RECQL4: variants seen among roughly 807,000 people sequenced by gnomAD.
RECQL4 encodes the protein ATP-dependent DNA helicase Q4.
A neutral mutation model predicts 128.6 loss-of-function variants in RECQL4; 158 were observed. The ratio of observed to expected loss-of-function variants is 1.23; its 90% confidence interval spans 1.08 to 1.40. The LOEUF (loss-of-function observed/expected upper bound fraction) is 1.40, where lower values mean the gene tolerates loss of function less well. Ranked by LOEUF, RECQL4 falls within the 40% of genes most tolerant of loss-of-function variation. The probability of loss-of-function intolerance (pLI) is 0.00; values close to 1 mark genes in which losing one functional copy is unlikely to be tolerated. For missense variants in RECQL4, 2,293 were observed against 1,649.8 expected (o/e 1.39, Z -6.75); for synonymous variants, 996 against 678.9 (o/e 1.47, Z -7.26).
In RECQL4 at chr8:144,516,145, G is replaced by A. The variant is rs1441068518; in HGVS notation, c.974C>T (p.Ser325Phe). The change falls in exon 5 of 21, where the codon TCC (serine) becomes TTC (phenylalanine). Residue 325 changes from serine (S) to phenylalanine (F), a missense_variant. Physicochemically the swap from Ser to Phe is radical, Grantham distance 155 (BLOSUM62 -2). Transcript: ENST00000617875. ...SNPRYHGLSP[S>F]SQARAGKAEG... Reference sequence around the variant, plus strand: ...AGCCTTCCCAGCCCTAGCTTGACTGGAGGGGCTGAGTCCGTGGTACCTGGG... The same window carrying A: ...AGCCTTCCCAGCCCTAGCTTGACTGAAGGGGCTGAGTCCGTGGTACCTGGG... The A allele has an allele frequency of 1.2e-6, 2 of 1,613,300 alleles. No homozygotes were observed. The highest frequency in any genetic ancestry group is 2.7e-5 in the African/African-American group (2 of 75,040).
In RECQL4 at chr8:144,511,527, G is replaced by A. The variant is rs139228543; in HGVS notation, c.3531C>T (p.Tyr1177=). The A allele has an allele frequency of 4.0e-4, 648 of 1,612,462 alleles. 3 individuals carry two copies. The East Asian group carries it at 9.5e-3, about 24-fold the overall frequency. The change falls in exon 21 of 21, where the codon TAC becomes TAT. Residue 1177 remains tyrosine (Y), a synonymous_variant. Transcript: ENST00000617875. ...TTCTCCAGAAGCGTCGGTCCTGCCC[G>A]TACACCTGGGCCGGGTAGCAGGGGC... The part of the protein sequence containing the change: ...IGSPCYPAQV[Y]GQDRRFWRKY...
In RECQL4 at chr8:144,513,619, C is replaced by T. The variant is rs1586804739; in HGVS notation, c.2152G>A (p.Ala718Thr). 4 of 1,602,408 alleles carry T rather than the reference C, an allele frequency of 2.5e-6. No homozygotes were observed. Among genetic ancestry groups the T allele is most frequent in the Non-Finnish European group, 3.4e-6 (4 of 1,175,152 alleles). Residue 718 changes from alanine (A) to threonine (T), a missense_variant, in exon 13 of 21, where the codon GCG (alanine) becomes ACG (threonine). Ala to Thr is a moderately conservative substitution (Grantham distance 58, BLOSUM62 0). Coordinates refer to ENST00000617875, the MANE Select transcript of RECQL4 (RefSeq NM_004260.4). ...GCGTGCAGGCAGGTTCGGAGGAGCG[C>T]AGCGATCCGCTCTGTGTCCTCGCGC... Reference protein sequence around the residue: ...NRREDTERIAALLRTCLHAAW... With the variant: ...NRREDTERIATLLRTCLHAAW...
rs1264247879 is a variant in RECQL4, at chr8:144,512,925, G to C, written c.2677C>G (p.Pro893Ala). ...EQLSHQAAPG[P>A]RRVCMGHERA... ...TCATGGCCCATGCAGACCCTTCTGG[G>C]TCCTGGGGCTGCTTGGTGGCTAAGC... Residue 893 changes from proline to alanine, a missense_variant, in exon 15 of 21, where the codon CCC becomes GCC. Physicochemically the swap from Pro to Ala is conservative, Grantham distance 27 (BLOSUM62 -1). Coordinates refer to ENST00000617875, the MANE Select transcript of RECQL4 (RefSeq NM_004260.4). 2 of 1,581,842 alleles carry C rather than the reference G, an allele frequency of 1.3e-6. No individual in the cohort carries two copies. The highest frequency in any genetic ancestry group is 1.1e-5 in the South Asian group (1 of 87,060).
chr8:144,513,509 G>C (rs1482408128), intron 13 of RECQL4, 29 bp from the exon 14 acceptor site: 3 of 1,610,636 alleles, frequency 1.9e-6, no homozygotes, highest in East Asian at 4.5e-5. Flanking sequence ...GATGGTCAGT[G>C]GGATGGGACC....
rs534878487 is a variant in RECQL4 at position 144,517,215 on chromosome 8, G to A, written c.214-25C>T. ...CCTGCAGGAGACAACAGGGGCACAG[G>A]CCAGAAAAGGCTGTTGTGGCGGCAG... On this transcript the variant is annotated intron_variant, in intron 3 of 20. Coordinates refer to ENST00000617875, the MANE Select transcript of RECQL4 (RefSeq NM_004260.4). The A allele has an allele frequency of 2.3e-5, 37 of 1,575,814 alleles. No individual in the cohort carries two copies. In the Admixed American group the frequency reaches 4.3e-4, roughly 19 times the overall value.
At position 144,514,702 on chromosome 8, in the gene RECQL4, G is replaced by C. The variant is rs912034435; in HGVS notation, c.1621-177C>G. The stretch of plus-strand genomic sequence containing the variant: ...TGGGCCTTGGCCCAGGAGCCCCAGA[G>C]CAGACAGACTGAAGTAGGGATGGCT... On this transcript the variant is annotated intron_variant, in intron 9 of 20. Transcript: ENST00000617875. Among the ~76,000 whole-genome samples, 5 of 152,092 alleles carry C rather than the reference G, an allele frequency of 3.3e-5. No homozygotes were observed. In the South Asian group the frequency reaches 6.2e-4, roughly 19 times the overall value.
rs776537316 is a variant in RECQL4, at chr8:144,512,555, G to A, written c.2892C>T (p.Pro964=). The A allele has an allele frequency of 1.1e-5, 18 of 1,612,552 alleles. No individual in the cohort carries two copies. In the South Asian group the frequency reaches 1.9e-4, roughly 17 times the overall value. ...GCTGGGCCAAGCACACAGCCAAAGGGGGACACCTGTGCCCAGGGAAAAAGG... is the reference window on the plus strand; with the variant it reads ...GCTGGGCCAAGCACACAGCCAAAGGAGGACACCTGTGCCCAGGGAAAAAGG... ...AQLQALAHRC[P]PLAVCLAQQL... The change falls in exon 17 of 21, where the codon CCC becomes CCT. Residue 964 remains proline (P), a synonymous_variant. Coordinates refer to ENST00000617875, the MANE Select transcript of RECQL4 (RefSeq NM_004260.4).
At position 144,516,312 on chromosome 8, in the gene RECQL4, C is replaced by G; in HGVS notation, c.807G>C (p.Trp269Cys). ...GEKRRWNEEP[W>C]ESPAQVQQES... is the part of the protein sequence containing the mutation. ...CCTGCTGGACCTGTGCGGGGCTCTC[C>G]CAGGGCTCCTCGTTCCATCTCCGCT... is the stretch of plus-strand genomic sequence containing the variant. Residue 269 changes from tryptophan (W) to cysteine (C), a missense_variant, in exon 5 of 21, where the codon TGG (tryptophan) becomes TGC (cysteine). Coordinates refer to ENST00000617875, the MANE Select transcript of RECQL4 (RefSeq NM_004260.4). 6.2e-7 allele frequency: 1 copy of G among 1,610,054 alleles called. No individual in the cohort carries two copies. Among genetic ancestry groups the G allele is most frequent in the South Asian group, 1.1e-5 (1 of 90,852 alleles).
chr8:144,516,499 G>A lies in RECQL4; in HGVS notation c.620C>T (p.Ala207Val), dbSNP rs2130725479. 3 of 1,609,098 alleles carry A rather than the reference G, an allele frequency of 1.9e-6. No homozygotes were observed. Among genetic ancestry groups the A allele is most frequent in the South Asian group, 1.1e-5 (1 of 90,962 alleles). Residue 207 changes from alanine to valine, a missense_variant, in exon 5 of 21, where the codon GCC becomes GTC. Physicochemically the swap from Ala to Val is moderately conservative, Grantham distance 64 (BLOSUM62 0). Coordinates refer to ENST00000617875, the MANE Select transcript of RECQL4 (RefSeq NM_004260.4). ...EVPDFLGAPK[A>V]CRPDLGSEES... The stretch of plus-strand genomic sequence containing the variant: ...CTCTGAGCCTAGATCAGGCCTGCAG[G>A]CTTTGGGGGCCCCCAGAAAATCTGG...
chr8:144,514,854 G>C, intron 9 of RECQL4, 82 bp downstream of exon 9: 2 of 1,523,258 alleles, frequency 1.3e-6, no homozygotes, highest in Non-Finnish European at 9.0e-7. Flanking sequence ...GGGGTGGTTA[G>C]GGGACAAGCA....
At chr8:144,514,625 G>A (rs950839363) in intron 9 of RECQL4, 100 bp from the exon 10 acceptor site, 181 of 1,271,080 alleles carry the variant, frequency 1.4e-4, no homozygotes, top group Non-Finnish European at 1.8e-4. Flanking sequence ...GTCCCTCAGG[G>A]GAGAGGAGAA....
Position 144,517,547 on chromosome 8 carries a change from T to TG in RECQL4, c.119-40dup, listed in dbSNP as rs754263830. The TG allele has an allele frequency of 2.0e-6, 3 of 1,528,732 alleles. No individual in the cohort carries two copies. The East Asian group carries it at 7.6e-5, about 39-fold the overall frequency. The allele number at this position is 1,528,732 out of a possible 1,614,324, so 94.7% of individuals were successfully genotyped here. A position where few individuals can be genotyped will look rare whatever the true frequency, so the allele number is the denominator to read the frequency against. Reference sequence around the variant, plus strand: ...CGGGAGGCGGGGTCAGGGTGGGGCCTGGGCCCCTGCCGACCCGGTGTCTTC... The same window carrying TG: ...CGGGAGGCGGGGTCAGGGTGGGGCCTGGGGCCCCTGCCGACCCGGTGTCTTC... On this transcript the variant is annotated intron_variant, in intron 2 of 20. Transcript: ENST00000617875.
intron 12 of RECQL4, 23 bp from the exon 13 acceptor site, chr8:144,513,735 G>A (rs544028164): frequency 2.4e-5 from 37 of 1,510,224 alleles, no homozygotes; most frequent in Non-Finnish European, 2.4e-5. Context: ...GGTTGGCGTG[G>A]GCAGTGGGGA....
At chr8:144,512,794 C>T (rs746005419) in intron 15 of RECQL4, 23 bp from the exon 16 acceptor site, 66 of 1,610,350 alleles carry the variant, frequency 4.1e-5, no homozygotes, top group African/African-American at 1.1e-4. Flanking sequence ...CAGGGCTCAG[C>T]GGACGCGGGG....
rs1267808558 is a variant in RECQL4, at chr8:144,513,721, G to A, written c.2059-9C>T. ...AGCAGCGTCAACAGTGCCTGATGAGGAGCGGTTGGCGTGGGCAGTGGGGAG... is the reference window on the plus strand; with the variant it reads ...AGCAGCGTCAACAGTGCCTGATGAGAAGCGGTTGGCGTGGGCAGTGGGGAG... On this transcript the variant is annotated splice_polypyrimidine_tract_variant and intron_variant, in intron 12 of 20. Transcript: ENST00000617875. The A allele has an allele frequency of 7.8e-6, 12 of 1,547,788 alleles. No individual in the cohort carries two copies. Among genetic ancestry groups the A allele is most frequent in the South Asian group, 6.0e-5 (5 of 83,988 alleles).
At position 144,513,431 on chromosome 8, in the gene RECQL4, G is replaced by A. The variant is rs761639839; in HGVS notation, c.2250C>T (p.Ser750=). ...CTCGCTGTACCCGCCGCCGTTCCCGGCTGCACATGCCCGCGTGGTAGGCCT... is the reference window on the plus strand; with the variant it reads ...CTCGCTGTACCCGCCGCCGTTCCCGACTGCACATGCCCGCGTGGTAGGCCT... ...TAEAYHAGMC[S]RERRRVQRAF... Residue 750 remains serine (S), a synonymous_variant, in exon 14 of 21, where the codon AGC becomes AGT. Coordinates refer to ENST00000617875, the MANE Select transcript of RECQL4 (RefSeq NM_004260.4). 3 of 1,609,486 alleles carry A rather than the reference G, an allele frequency of 1.9e-6. No homozygotes were observed. The highest frequency in any genetic ancestry group is 2.7e-5 in the African/African-American group (2 of 74,942).
chr8:144,516,888 A>C (rs995663904), intron 4 of RECQL4, 124 bp from the exon 5 acceptor site: 1 of 1,378,300 alleles, frequency 7.3e-7, no homozygotes, highest in Non-Finnish European at 9.8e-7. Context: ...GCTGGACTAG[A>C]AAGGGAGTCA....
rs2130671586 is a variant in RECQL4, at chr8:144,513,007, T to C, written c.2595A>G (p.Glu865=). 1 of 1,570,926 alleles carries C rather than the reference T, an allele frequency of 6.4e-7. No homozygotes were observed. The highest frequency in any genetic ancestry group is 8.6e-7 in the Non-Finnish European group (1 of 1,158,766). ...CAGGCCTCTCCCCACCCACGGCCCC[T>C]TCCTGCTCCGAGGGCGGCCTGGTGC... ...CTCTRPPSEQ[E]GAVGGERPVP... is the part of the protein sequence containing the mutation. Residue 865 remains glutamate, a synonymous_variant, in exon 15 of 21, where the codon GAA becomes GAG. Transcript: ENST00000617875.
rs137853229 is a variant in RECQL4 at position 144,513,412 on chromosome 8, G to A, written c.2269C>T (p.Gln757Ter). 190 of 1,608,862 alleles carry A rather than the reference G, an allele frequency of 1.2e-4. No homozygotes were observed. The highest frequency in any genetic ancestry group is 2.8e-4 in the Admixed American group (17 of 59,952). Reference sequence around the variant, plus strand: ...AACTGGCCCTGCATGAAGGCTCGCTGTACCCGCCGCCGTTCCCGGCTGCAC... The same window carrying A: ...AACTGGCCCTGCATGAAGGCTCGCTATACCCGCCGCCGTTCCCGGCTGCAC... ...GMCSRERRRV[Q>*]RAFMQGQLRV... is the part of the protein sequence containing the mutation. Residue 757 changes from glutamine to a stop codon, truncating the protein, a stop_gained, in exon 14 of 21, where the codon CAG (glutamine) becomes TAG (stop). Transcript: ENST00000617875. LOFTEE classifies it high-confidence loss of function.
Sources: allele counts gnomAD v4.1 joint callset (sites outside exome capture counted in the v4.1 genomes callset), GRCh38; gene constraint gnomAD v4.1.1; transcripts MANE v1.5; gene names NCBI Gene and HGNC (gene_info 2026-07-23, HGNC 2026-07-21).